The following KNDC1 variants were observed in gnomAD, a reference collection of about 807,000 sequenced individuals.
KNDC1 encodes the protein kinase non-catalytic C-lobe domain containing 1, also known as kinase non-catalytic C-lobe domain-containing protein 1.
In KNDC1, 106 loss-of-function variants were observed where a neutral mutation model predicts 172.8. The observed-to-expected ratio is 0.61, with a 90% CI of 0.52 to 0.72. The LOEUF (loss-of-function observed/expected upper bound fraction) is 0.72. Ranked by LOEUF, KNDC1 falls within the 30% of genes least tolerant of loss-of-function variation. The probability of loss-of-function intolerance (pLI) is 0.00; values close to 1 mark genes in which losing one functional copy is unlikely to be tolerated. For synonymous variants in KNDC1, 1,083 were observed against 1,062.2 expected, an observed-to-expected ratio of 1.02 and a Z score of -0.38; for missense variants, 2,325 against 2,394.5, an observed-to-expected ratio of 0.97 and a Z score of 0.61.
Position 133,199,606 on chromosome 10 carries a change from G to T in KNDC1, c.2903+4G>T. ...GGCAGGCGTCACCCTCCCCAAGGTGGGTGCCCAGTTCGGCCCTGCATTCCC... is the reference window on the plus strand; with the variant it reads ...GGCAGGCGTCACCCTCCCCAAGGTGTGTGCCCAGTTCGGCCCTGCATTCCC... On this transcript the variant is annotated splice_donor_region_variant and intron_variant, in intron 15 of 29. Transcript: ENST00000304613. 6.2e-7 allele frequency: 1 copy of T among 1,612,822 alleles called. No homozygotes were observed. Among genetic ancestry groups the T allele is most frequent in the Non-Finnish European group, 8.5e-7 (1 of 1,179,750 alleles).
intron 21 of KNDC1, 113 bp from the exon 22 acceptor site, chr10:133,211,307 GCA>G (rs1845357409): frequency 1.1e-6 from 1 of 889,612 alleles, no homozygotes; most frequent in Non-Finnish European, 1.6e-6. Flanking sequence ...TAAGCCCCCT[GCA>G]CACATGGAGC....
chr10:133,202,818 G>A, intron 17 of KNDC1: 1 of 369,574 alleles, frequency 2.7e-6, no homozygotes, highest in Non-Finnish European at 5.4e-6. Flanking sequence ...AGACCCGCAT[G>A]GTGCTACAGC....
chr10:133,197,036 G>A, intron 10 of KNDC1, 22 bp from the exon 11 acceptor site: 1 of 1,606,124 alleles, frequency 6.2e-7, no homozygotes, highest in South Asian at 1.1e-5. Context: ...GTCGGGACGT[G>A]TGAACTGTCT....
At chr10:133,203,211 G>T (rs2998133) in intron 17 of KNDC1, among the ~76,000 whole-genome samples, 497 of 28,938 alleles carry the variant, frequency 0.017, no homozygotes, top group South Asian at 0.023. Context: ...GCCCCCAAAC[G>T]CACGGCGTCC....
At chr10:133,211,230 C>A (rs1310552679) in intron 21 of KNDC1, among the ~76,000 whole-genome samples, 192 bp from the exon 22 acceptor site, 1 of 150,654 alleles carries the variant, frequency 6.6e-6, no homozygotes, top group Non-Finnish European at 1.5e-5. Flanking sequence ...CACGCCCAGG[C>A]TGGGCACCTC....
intron 26 of KNDC1, among the ~76,000 whole-genome samples, chr10:133,217,153 G>A (rs1042509455): frequency 3.3e-5 from 5 of 152,232 alleles, no homozygotes; most frequent in African/African-American, 1.2e-4. Flanking sequence ...AGGCTACAAA[G>A]GTAAATCCTC....
chr10:133,192,655 T>A (rs1018596903), intron 9 of KNDC1, among the ~76,000 whole-genome samples: 6 of 152,056 alleles, frequency 3.9e-5, no homozygotes, highest in African/African-American at 9.7e-5. Context: ...GCTGATTTTT[T>A]AAAAAAACTC....
rs1376418387 is a variant in KNDC1 at position 133,224,583 on chromosome 10, G to T, written c.5019-76G>T. The T allele has an allele frequency of 1.0e-5, 10 of 997,240 alleles. No homozygotes were observed. Among genetic ancestry groups the T allele is most frequent in the East Asian group, 2.4e-5 (1 of 40,834 alleles). 61.8% of individuals were successfully genotyped at this position (997,240 alleles called of 1,614,324 possible). On this transcript the variant is annotated intron_variant, in intron 29 of 29. Transcript: ENST00000304613. This position sits in a 1 kb window ranked among gnomAD's most constrained non-coding sequence, Gnocchi z 5.4. Reference sequence around the variant, plus strand: ...TTTAGTCCAAATGATTCCTAAGAACGCGGGGGGACTCCCTCCCCACGGAAG... The same window carrying T: ...TTTAGTCCAAATGATTCCTAAGAACTCGGGGGGACTCCCTCCCCACGGAAG...
chr10:133,204,051 A>G (rs1039899855), intron 17 of KNDC1, among the ~76,000 whole-genome samples: 4 of 152,094 alleles, frequency 2.6e-5, no homozygotes, highest in Admixed American at 6.5e-5. Context: ...CTGCAAATGG[A>G]TGGGGGTGAG....
At chr10:133,191,076 CGCCTGTAATT>C (rs930800095) in intron 9 of KNDC1, among the ~76,000 whole-genome samples, 1 of 152,202 alleles carries the variant, frequency 6.6e-6, no homozygotes, top group Non-Finnish European at 1.5e-5. Context: ...TGGTGACTCA[CGCCTGTAATT>C]CCAGCAATTT....
chr10:133,188,324 G>A (rs549273271), intron 6 of KNDC1, among the ~76,000 whole-genome samples: 5 of 152,288 alleles, frequency 3.3e-5, no homozygotes, highest in East Asian at 3.9e-4. Context: ...ACCGTGGGAC[G>A]TTCCCACCCA....
Position 133,167,178 on chromosome 10 carries a change from C to T in KNDC1, c.103-203C>T, listed in dbSNP as rs1425341958. On this transcript the variant is annotated intron_variant, in intron 1 of 29. Coordinates refer to ENST00000304613, the MANE Select transcript of KNDC1 (RefSeq NM_152643.8). ...TCTGGGCAGCACGCCGACGGTGCCA[C>T]CAAATGTTCCGTGGCTCTGACGTCC... is the stretch of plus-strand genomic sequence containing the variant. 8 of 604,994 alleles carry T rather than the reference C, an allele frequency of 1.3e-5. 1 individual carries two copies. The highest frequency in any genetic ancestry group is 5.6e-5 in the East Asian group (2 of 35,816). 37.5% of individuals were successfully genotyped at this position (604,994 alleles called of 1,614,324 possible).
Position 133,224,865 on chromosome 10 carries a change from G to A in KNDC1, c.5225G>A (p.Arg1742Gln), listed in dbSNP as rs368944372. The A allele has an allele frequency of 7.0e-5, 113 of 1,613,704 alleles. No individual in the cohort carries two copies. The African/African-American group carries it at 1.1e-3, about 15-fold the overall frequency. ...TCACGGAAGATTCAGGACAAGCTAC[G>A]GAGGATGAAGGCTACATTCCAGTAG... ...KHSRKIQDKL[R>Q]RMKATFQ The change falls in exon 30 of 30, where the codon CGG (arginine) becomes CAG (glutamine). Residue 1742 changes from arginine to glutamine, a missense_variant. By Grantham distance (43) the Arg-to-Gln change is conservative. Coordinates refer to ENST00000304613, the MANE Select transcript of KNDC1 (RefSeq NM_152643.8). The surrounding 1 kb of genome is among the most constrained non-coding windows in gnomAD (Gnocchi z 5.4).
chr10:133,192,030 C>T (rs1195666964), intron 9 of KNDC1, among the ~76,000 whole-genome samples: 12 of 152,262 alleles, frequency 7.9e-5, no homozygotes. Flanking sequence ...AAACACATCC[C>T]ATGCTCACAG....
chr10:133,183,293 G>A, intron 3 of KNDC1, 51 bp from the exon 4 acceptor site: 1 of 1,522,122 alleles, frequency 6.6e-7, no homozygotes, highest in Non-Finnish European at 8.8e-7. Context: ...GCCGCGGTCG[G>A]GGTGGCGCAC....
chr10:133,198,760 A>G lies in KNDC1; in HGVS notation c.2252A>G (p.Gln751Arg), dbSNP rs773948215. ...AAPEPLGASVQRDSAQGRPCP... is the reference protein window; with the variant it reads ...AAPEPLGASVRRDSAQGRPCP... Reference sequence around the variant, plus strand: ...CCAGAGCCTCTTGGGGCGTCAGTGCAGCGTGACTCAGCCCAGGGCCGCCCC... The same window carrying G: ...CCAGAGCCTCTTGGGGCGTCAGTGCGGCGTGACTCAGCCCAGGGCCGCCCC... Residue 751 changes from glutamine (Q) to arginine (R), a missense_variant, in exon 14 of 30, where the codon CAG becomes CGG. Coordinates refer to ENST00000304613, the MANE Select transcript of KNDC1 (RefSeq NM_152643.8). 31 of 1,585,264 alleles carry G rather than the reference A, an allele frequency of 2.0e-5. No homozygotes were observed. In the South Asian group the frequency reaches 3.3e-4, roughly 17 times the overall value.
chr10:133,178,286 A>C (rs888628349), intron 3 of KNDC1, among the ~76,000 whole-genome samples: 3 of 152,208 alleles, frequency 2.0e-5, no homozygotes, highest in African/African-American at 7.2e-5. Flanking sequence ...TGTCTGCAGC[A>C]CTGGATTGAT....
intron 20 of KNDC1, 84 bp from the exon 21 acceptor site, chr10:133,210,525 TAC>T (rs1845340660): frequency 3.7e-6 from 3 of 801,622 alleles, no homozygotes; most frequent in Non-Finnish European, 6.7e-6. Flanking sequence ...CACACACACA[TAC>T]AGTCACACCC....
In KNDC1 at chr10:133,188,128, C is replaced by T. The variant is rs992102294; in HGVS notation, c.1327-411C>T. Among the ~76,000 whole-genome samples the T allele has an allele frequency of 3.9e-5, 6 of 152,162 alleles. No individual in the cohort carries two copies. The East Asian group carries it at 9.7e-4, about 25-fold the overall frequency. On this transcript the variant is annotated intron_variant, in intron 6 of 29. Transcript: ENST00000304613. ...CATCCACACTGCCCCTGCGTCCGTC[C>T]GTGGATGCCTGGGTGCTCCCCGTGT...
Sources: allele counts gnomAD v4.1 joint callset (sites outside exome capture counted in the v4.1 genomes callset), GRCh38; gene constraint gnomAD v4.1.1; non-coding constraint Gnocchi (gnomAD v3.1); transcripts MANE v1.5; gene names NCBI Gene and HGNC (gene_info 2026-07-23, HGNC 2026-07-21).